The following KCNH1 variants were observed in gnomAD, a reference collection of about 807,000 sequenced individuals.
The protein encoded by KCNH1 is potassium voltage-gated channel subfamily H member 1, also known as voltage-gated delayed rectifier potassium channel KCNH1.
Under a neutral mutation model 69.2 loss-of-function variants are expected in KCNH1, and 27 were observed. The observed-to-expected ratio is 0.39, with a 90% CI of 0.29 to 0.54. The LOEUF (loss-of-function observed/expected upper bound fraction) is 0.54, where lower values mean the gene tolerates loss of function less well. Ranked by LOEUF, KCNH1 falls within the 20% of genes least tolerant of loss-of-function variation. KCNH1 has a pLI of 0.68. For missense variants in KCNH1, 798 were observed against 1,261.6 expected, an observed-to-expected ratio of 0.63 and a Z score of 5.57; for synonymous variants, 456 against 487.7, an observed-to-expected ratio of 0.93 and a Z score of 0.86.
At chr1:211,041,582 C>T (rs1445952146) in intron 5 of KCNH1, among the ~76,000 whole-genome samples, 1 of 152,220 alleles carries the variant, frequency 6.6e-6, no homozygotes, top group African/African-American at 2.4e-5. Context: ...CATACATCAA[C>T]TTGTATTCCA....
At chr1:210,801,437 T>C (rs1240470080) in intron 8 of KCNH1, among the ~76,000 whole-genome samples, 1 of 152,182 alleles carries the variant, frequency 6.6e-6, no homozygotes, top group Non-Finnish European at 1.5e-5. Context: ...CGCTCTGGGC[T>C]CCAGAGTGAG....
intron 5 of KCNH1, among the ~76,000 whole-genome samples, chr1:211,023,163 T>TAAAA (rs200924210): frequency 4.7e-4 from 45 of 94,956 alleles, no homozygotes; most frequent in African/African-American, 8.2e-4. Flanking sequence ...AATAAATAAA[T>TAAAA]TAAAAATGCT....
intron 10 of KCNH1, among the ~76,000 whole-genome samples, chr1:210,726,263 G>A (rs547024650): frequency 2.0e-5 from 3 of 152,162 alleles, no homozygotes; most frequent in Non-Finnish European, 4.4e-5. Context: ...GTTATTTGGT[G>A]ACTCGCTGAT....
At chr1:210,834,220 A>G (rs1029614158) in intron 7 of KCNH1, among the ~76,000 whole-genome samples, 66 of 151,630 alleles carry the variant, frequency 4.4e-4, no homozygotes, top group African/African-American at 1.6e-3. Context: ...ATGCTGCTAT[A>G]AAGACACATG....
At chr1:210,994,530 A>T (rs1194023158) in intron 6 of KCNH1, among the ~76,000 whole-genome samples, 1 of 152,238 alleles carries the variant, frequency 6.6e-6, no homozygotes, top group Non-Finnish European at 1.5e-5. Context: ...TAGTCTGTGC[A>T]GGGTCTTAAA....
intron 7 of KCNH1, among the ~76,000 whole-genome samples, chr1:210,912,564 T>C (rs1193407716): frequency 1.3e-5 from 2 of 152,204 alleles, no homozygotes; most frequent in African/African-American, 4.8e-5. Context: ...AACATCATTG[T>C]TTGTTGAGTC....
intron 6 of KCNH1, among the ~76,000 whole-genome samples, chr1:210,948,005 T>A (rs1352220439): frequency 6.6e-6 from 1 of 150,722 alleles, no homozygotes; most frequent in East Asian, 2.0e-4. Flanking sequence ...CTCAGGAGTT[T>A]GAGACCAGCC....
intron 7 of KCNH1, among the ~76,000 whole-genome samples, chr1:210,877,501 C>A (rs1686403208): frequency 6.6e-6 from 1 of 152,186 alleles, no homozygotes; most frequent in Non-Finnish European, 1.5e-5. Flanking sequence ...ACATTTGCAT[C>A]AGGACCCATC....
intron 10 of KCNH1, among the ~76,000 whole-genome samples, chr1:210,750,030 G>A (rs963139598): frequency 9.2e-5 from 14 of 152,204 alleles, no homozygotes; most frequent in African/African-American, 2.9e-4. Flanking sequence ...GGCGTGAGCC[G>A]CCGCGTCCAG....
chr1:210,888,653 C>G lies in KCNH1; in HGVS notation c.1462+30987G>C, dbSNP rs376565031. Among the ~76,000 whole-genome samples the G allele has an allele frequency of 2.2e-4, 34 of 151,628 alleles. No individual in the cohort carries two copies. In the East Asian group the frequency reaches 3.9e-3, roughly 17 times the overall value. On this transcript the variant is annotated intron_variant, in intron 7 of 10. Coordinates refer to ENST00000271751, the MANE Select transcript of KCNH1 (RefSeq NM_172362.3). ...TTTTGAAAAGATTAACAAAATAGAC[C>G]ACTAGCCAGACTAATAAAGAAGAAA...
intron 6 of KCNH1, among the ~76,000 whole-genome samples, chr1:210,958,819 T>C (rs1047010305): frequency 1.3e-5 from 2 of 152,136 alleles, no homozygotes; most frequent in Admixed American, 6.5e-5. Flanking sequence ...TCTAACCTTT[T>C]TTCAAGGTTT....
At chr1:210,729,141 T>C (rs1291507629) in intron 10 of KCNH1, among the ~76,000 whole-genome samples, 1 of 152,248 alleles carries the variant, frequency 6.6e-6, no homozygotes, top group African/African-American at 2.4e-5. Flanking sequence ...CAAGCCATTC[T>C]GCATTTTTAA....
intron 10 of KCNH1, among the ~76,000 whole-genome samples, chr1:210,691,847 TA>T (rs1220509154): frequency 3.3e-5 from 5 of 152,210 alleles, no homozygotes; most frequent in Non-Finnish European, 5.9e-5. Flanking sequence ...AAAAGAGGGC[TA>T]GCAACACATG....
At chr1:210,867,195 G>A (rs2102489552) in intron 7 of KCNH1, among the ~76,000 whole-genome samples, 1 of 152,006 alleles carries the variant, frequency 6.6e-6, no homozygotes, top group South Asian at 2.1e-4. Flanking sequence ...TGATAGTGGT[G>A]ATGGTTGCAC....
chr1:210,850,226 C>T (rs1430327738), intron 7 of KCNH1, among the ~76,000 whole-genome samples: 5 of 152,000 alleles, frequency 3.3e-5, no homozygotes, highest in African/African-American at 9.7e-5. Context: ...GGGCCAGGTG[C>T]GGTGGCTCAG....
At chr1:211,111,595 ACTGT>A (rs1691465886) in intron 1 of KCNH1, among the ~76,000 whole-genome samples, 1 of 65,624 alleles carries the variant, frequency 1.5e-5, no homozygotes, top group African/African-American at 6.0e-5. Context: ...CAGCCACCTC[ACTGT>A]CTGGGAAGTT....
chr1:211,053,652 T>C (rs1431196225), intron 5 of KCNH1, among the ~76,000 whole-genome samples: 1 of 152,216 alleles, frequency 6.6e-6, no homozygotes, highest in Non-Finnish European at 1.5e-5. Flanking sequence ...ACTGCTTTCA[T>C]AGTTAGCAGC....
intron 6 of KCNH1, among the ~76,000 whole-genome samples, chr1:210,937,766 T>C (rs889756080): frequency 2.4e-4 from 36 of 152,160 alleles, no homozygotes; most frequent in African/African-American, 8.7e-4. Context: ...TAATAACCTT[T>C]TTTCCTCCTT....
intron 7 of KCNH1, among the ~76,000 whole-genome samples, chr1:210,844,178 A>C (rs916997025): frequency 3.9e-5 from 6 of 152,174 alleles, no homozygotes; most frequent in African/African-American, 1.4e-4. Flanking sequence ...AAATAAGATA[A>C]TGTATATAAA....
Sources: gnomAD v4.1 joint callset for allele counts (sites outside exome capture counted in the v4.1 genomes callset) on GRCh38, gnomAD v4.1.1 for gene constraint, MANE v1.5 for transcripts, NCBI Gene and HGNC (gene_info 2026-07-23, HGNC 2026-07-21) for gene names.